Variants in RGS6 observed in about 807,000 individuals in gnomAD.
RGS6 encodes the protein regulator of G protein signaling 6.
In RGS6, 30 loss-of-function variants were observed where a neutral mutation model predicts 78.5. The observed-to-expected ratio is 0.38, with a 90% CI of 0.29 to 0.52. The LOEUF (loss-of-function observed/expected upper bound fraction) is 0.52. RGS6 is among the 20% of genes least tolerant of loss of function. The pLI, the probability that RGS6 is intolerant of heterozygous loss-of-function variation, is 0.85. For missense variants in RGS6, 495 were observed against 609.7 expected (o/e 0.81, Z 1.98); for synonymous variants, 206 against 206.0 (o/e 1.00, Z 0.00).
chr14:72,422,115 T>C (rs2094214257), intron 3 of RGS6, among the ~76,000 whole-genome samples: 1 of 152,206 alleles, frequency 6.6e-6, no homozygotes, highest in Non-Finnish European at 1.5e-5. Context: ...TCCCTTTGCC[T>C]GCTGCCATCT....
chr14:72,454,693 C>G (rs2095584811), intron 4 of RGS6, 115 bp downstream of exon 4: 4 of 722,522 alleles, frequency 5.5e-6, no homozygotes, highest in Admixed American at 2.6e-5. Flanking sequence ...AATGTGAATT[C>G]CAAGACGTGG....
At chr14:72,540,493 A>G (rs77210304) in intron 17 of RGS6, 1 of 1,289,494 alleles carries the variant, frequency 7.8e-7, no homozygotes, top group Non-Finnish European at 1.0e-6. Context: ...GCTCATCGAA[A>G]AAAAAAAAAA....
At chr14:72,568,717 G>A (rs542782602), downstream of RGS6, among the ~76,000 whole-genome samples, 9 of 152,300 alleles carry the variant, frequency 5.9e-5, no homozygotes, top group South Asian at 2.1e-4. Flanking sequence ...TTTGTCTGAC[G>A]GACCTCATGG....
chr14:71,869,814 A>G, the RGS6 span, among the ~76,000 whole-genome samples: 3 of 152,134 alleles, frequency 2.0e-5, no homozygotes, highest in Non-Finnish European at 2.9e-5. Context: ...TCAAGATGCA[A>G]TTAGGCCATG....
chr14:72,159,664 G>A (rs909772615), intron 2 of RGS6, among the ~76,000 whole-genome samples: 11 of 152,182 alleles, frequency 7.2e-5, no homozygotes, highest in African/African-American at 2.7e-4. Context: ...GTTTTATGAT[G>A]TGTTTCCAGT....
At chr14:72,409,564 T>A (rs368964681) in intron 3 of RGS6, among the ~76,000 whole-genome samples, 3 of 152,104 alleles carry the variant, frequency 2.0e-5, no homozygotes, top group South Asian at 2.1e-4. Context: ...TATTTTTTTT[T>A]AATTTTATTA....
At chr14:72,186,660 A>G (rs1037794670) in intron 2 of RGS6, among the ~76,000 whole-genome samples, 15 of 152,162 alleles carry the variant, frequency 9.9e-5, no homozygotes, top group Non-Finnish European at 8.8e-5. Context: ...GCCAAGGAAG[A>G]TGATTACTAC....
chr14:72,537,709 G>A (rs1407075267), intron 16 of RGS6: 8 of 606,942 alleles, frequency 1.3e-5, no homozygotes, highest in Admixed American at 2.9e-5. Context: ...TCTCATGGAT[G>A]AAGGTCAAAG....
At chr14:72,598,461 G>GGA in the RGS6 span, among the ~76,000 whole-genome samples, 1 of 152,226 alleles carries the variant, frequency 6.6e-6, no homozygotes, top group African/African-American at 2.4e-5. Context: ...AATGATGCAG[G>GGA]GAGAGAGAAG....
chr14:71,956,258 G>A (rs2092777066), intron 1 of RGS6, among the ~76,000 whole-genome samples: 2 of 151,998 alleles, frequency 1.3e-5, no homozygotes, highest in Admixed American at 1.3e-4. Flanking sequence ...TTCCATCAGT[G>A]TTGGAATTTG....
intron 3 of RGS6, among the ~76,000 whole-genome samples, chr14:72,385,900 G>A (rs930221360): frequency 3.3e-5 from 5 of 152,172 alleles, no homozygotes; most frequent in Non-Finnish European, 7.3e-5. Flanking sequence ...ATGAACGAGG[G>A]TGGAAGAAAG....
At chr14:72,060,928 G>A (rs2093863187) in intron 2 of RGS6, among the ~76,000 whole-genome samples, 1 of 152,160 alleles carries the variant, frequency 6.6e-6, no homozygotes, top group Non-Finnish European at 1.5e-5. Context: ...CATGTGACTA[G>A]GTAGAAGAGA....
chr14:72,554,597 C>T (rs575769789), intron 17 of RGS6, among the ~76,000 whole-genome samples: 28 of 152,122 alleles, frequency 1.8e-4, no homozygotes, highest in African/African-American at 6.0e-4. Flanking sequence ...GAGGAACAGG[C>T]GGGCATTAAG....
chr14:72,306,051 C>T (rs1178678547), intron 2 of RGS6, among the ~76,000 whole-genome samples: 1 of 152,204 alleles, frequency 6.6e-6, no homozygotes, highest in Non-Finnish European at 1.5e-5. Context: ...CAGGCTGACT[C>T]TCTTGTTAGG....
chr14:72,231,789 G>A (rs904964149), intron 2 of RGS6, among the ~76,000 whole-genome samples: 1 of 152,092 alleles, frequency 6.6e-6, no homozygotes, highest in Admixed American at 6.6e-5. Flanking sequence ...AACATGGTGT[G>A]TGCAAAGGTG....
chr14:72,308,794 A>T (rs1224389285), intron 2 of RGS6, among the ~76,000 whole-genome samples: 1 of 152,216 alleles, frequency 6.6e-6, no homozygotes, highest in Non-Finnish European at 1.5e-5. Context: ...TTAAATTATT[A>T]TAGAGAGAAT....
intron 2 of RGS6, among the ~76,000 whole-genome samples, chr14:72,272,885 C>T (rs770579469): frequency 3.9e-5 from 6 of 152,162 alleles, no homozygotes; most frequent in South Asian, 2.1e-4. Flanking sequence ...GAGGCCAAGG[C>T]GGGTGGATCA....
intron 1 of RGS6, among the ~76,000 whole-genome samples, chr14:71,964,409 G>C (rs2093392460): frequency 1.3e-5 from 2 of 152,200 alleles, no homozygotes; most frequent in Admixed American, 6.5e-5. Flanking sequence ...GGGAGGCTGA[G>C]GCAGGAGAAT....
intron 2 of RGS6, among the ~76,000 whole-genome samples, chr14:72,118,747 A>G (rs2095971773): frequency 6.6e-6 from 1 of 152,232 alleles, no homozygotes; most frequent in African/African-American, 2.4e-5. Context: ...ATTGAGATAA[A>G]AAGTTAATTT....
Sources: allele counts gnomAD v4.1 joint callset (sites outside exome capture counted in the v4.1 genomes callset), GRCh38; gene constraint gnomAD v4.1.1; transcripts MANE v1.5; gene names NCBI Gene and HGNC (gene_info 2026-07-23, HGNC 2026-07-21).